The following LRRC4C variants were observed in gnomAD, a reference collection of about 807,000 sequenced individuals.
LRRC4C encodes the protein leucine rich repeat containing 4C, also known as leucine-rich repeat-containing protein 4C.
In LRRC4C, 5 loss-of-function variants were observed where a neutral mutation model predicts 33.6. That is an observed-to-expected ratio of 0.15 (90% confidence interval 0.08 to 0.31). The LOEUF is 0.31. Ranked by LOEUF, LRRC4C falls within the 10% of genes least tolerant of loss-of-function variation. LRRC4C has a pLI of 1.00. For missense variants in LRRC4C, 560 were observed against 796.7 expected (o/e 0.70, Z 3.58); for synonymous variants, 329 against 302.0 (o/e 1.09, Z -0.93).
intron 1 of LRRC4C, among the ~76,000 whole-genome samples, chr11:41,339,844 C>CA (rs1951573529): frequency 6.6e-6 from 1 of 151,952 alleles, no homozygotes; most frequent in Non-Finnish European, 1.5e-5. Flanking sequence ...AGAAGATATC[C>CA]AAAAATCAAG....
intron 4 of LRRC4C, among the ~76,000 whole-genome samples, chr11:40,295,393 C>T (rs936885727): frequency 6.6e-6 from 1 of 152,030 alleles, no homozygotes; most frequent in African/African-American, 2.4e-5. Context: ...GATCTTTGCA[C>T]TGATTTTCTT....
At chr11:40,500,203 T>G (rs1467688917) in intron 3 of LRRC4C, among the ~76,000 whole-genome samples, 1 of 150,628 alleles carries the variant, frequency 6.6e-6, no homozygotes, top group African/African-American at 2.4e-5. Context: ...GTATGGATTA[T>G]AATGCCAATG....
At chr11:40,785,569 G>A (rs1950378958) in intron 2 of LRRC4C, among the ~76,000 whole-genome samples, 1 of 152,130 alleles carries the variant, frequency 6.6e-6, no homozygotes. Context: ...TTTAGAGAAT[G>A]AATTTATACA....
chr11:41,040,566 G>A (rs918512545), intron 1 of LRRC4C, among the ~76,000 whole-genome samples: 1 of 152,154 alleles, frequency 6.6e-6, no homozygotes, highest in Non-Finnish European at 1.5e-5. Context: ...TTTCACAGCA[G>A]CAGTTTTCTT....
chr11:40,916,865 A>G (rs1038728251), intron 2 of LRRC4C, among the ~76,000 whole-genome samples: 1 of 152,018 alleles, frequency 6.6e-6, no homozygotes, highest in Non-Finnish European at 1.5e-5. Context: ...TTTAAAAAGA[A>G]CATGAAATAT....
At chr11:40,275,140 A>T (rs1299018353) in intron 4 of LRRC4C, among the ~76,000 whole-genome samples, 4 of 152,184 alleles carry the variant, frequency 2.6e-5, no homozygotes. Context: ...CAATGAAATA[A>T]CAAGAGTCTG....
intron 2 of LRRC4C, among the ~76,000 whole-genome samples, chr11:40,819,775 T>C (rs1299303491): frequency 6.6e-6 from 1 of 151,876 alleles, no homozygotes; most frequent in Non-Finnish European, 1.5e-5. Flanking sequence ...TGCAGAAAAC[T>C]GAAGGGTTAC....
chr11:40,723,318 G>C (rs953509552), intron 2 of LRRC4C, among the ~76,000 whole-genome samples: 8 of 149,776 alleles, frequency 5.3e-5, no homozygotes, highest in Non-Finnish European at 8.9e-5. Flanking sequence ...GACTTTCTAA[G>C]ATTAATGCAA....
intron 3 of LRRC4C, among the ~76,000 whole-genome samples, chr11:40,440,864 GA>G (rs1045252465): frequency 9.8e-5 from 2 of 20,344 alleles, no homozygotes; most frequent in African/African-American, 3.0e-4. Flanking sequence ...AGCCAGTAGG[GA>G]ATTTTTTTTT....
intron 3 of LRRC4C, among the ~76,000 whole-genome samples, chr11:40,371,311 C>T (rs1466405876): frequency 6.6e-6 from 1 of 151,810 alleles, no homozygotes; most frequent in Non-Finnish European, 1.5e-5. Context: ...ATAATATATG[C>T]TTTTGACATG....
chr11:41,063,633 A>T (rs191923334), intron 1 of LRRC4C, among the ~76,000 whole-genome samples: 5 of 152,322 alleles, frequency 3.3e-5, no homozygotes, highest in Admixed American at 6.5e-5. Flanking sequence ...TAACATTGAT[A>T]TGCTTTATAA....
At chr11:41,053,419 T>C (rs930285789) in intron 1 of LRRC4C, among the ~76,000 whole-genome samples, 3 of 152,188 alleles carry the variant, frequency 2.0e-5, no homozygotes, top group Admixed American at 6.5e-5. Context: ...AATATCCATA[T>C]GAACTTGGAA....
intron 6 of LRRC4C, among the ~76,000 whole-genome samples, chr11:40,121,114 A>G (rs954265449): frequency 6.6e-6 from 1 of 152,158 alleles, no homozygotes; most frequent in Non-Finnish European, 1.5e-5. Context: ...AATATCGCTT[A>G]TTCAAATTTG....
intron 1 of LRRC4C, among the ~76,000 whole-genome samples, chr11:41,076,221 A>T (rs1939139255): frequency 6.6e-6 from 1 of 152,156 alleles, no homozygotes; most frequent in African/African-American, 2.4e-5. Flanking sequence ...TATCTAACAC[A>T]TCCTAAAACT....
At chr11:40,138,004 A>C (rs1351197417) in intron 6 of LRRC4C, among the ~76,000 whole-genome samples, 3 of 152,184 alleles carry the variant, frequency 2.0e-5, no homozygotes, top group African/African-American at 4.8e-5. Context: ...GTTTTATTTA[A>C]TTCTCACAAC....
intron 1 of LRRC4C, among the ~76,000 whole-genome samples, chr11:41,304,221 G>A (rs1373569034): frequency 8.4e-6 from 1 of 118,818 alleles, no homozygotes; most frequent in African/African-American, 3.0e-5. Context: ...GGAGGGAGGT[G>A]GGGGGGTCAG....
intron 1 of LRRC4C, among the ~76,000 whole-genome samples, chr11:40,967,964 C>G (rs1851475141): frequency 6.6e-6 from 1 of 151,700 alleles, no homozygotes; most frequent in Admixed American, 6.6e-5. Flanking sequence ...ACTTTAAATC[C>G]AAAGGTAGAA....
chr11:41,428,758 A>G (rs1955131836), intron 1 of LRRC4C, among the ~76,000 whole-genome samples: 1 of 152,210 alleles, frequency 6.6e-6, no homozygotes, highest in African/African-American at 2.4e-5. Flanking sequence ...CCCCACAAGT[A>G]TTTAATCACC....
At chr11:41,121,807 G>A (rs1026845392) in intron 1 of LRRC4C, among the ~76,000 whole-genome samples, 1 of 152,124 alleles carries the variant, frequency 6.6e-6, no homozygotes, top group Admixed American at 6.5e-5. Flanking sequence ...AGCAAATATT[G>A]TCAGCTTGGA....
Sources: allele counts gnomAD v4.1 joint callset (sites outside exome capture counted in the v4.1 genomes callset), GRCh38; gene constraint gnomAD v4.1.1; transcripts MANE v1.5; gene names NCBI Gene and HGNC (gene_info 2026-07-23, HGNC 2026-07-21).